ANK3: variants seen among roughly 807,000 people sequenced by gnomAD.
ANK3 encodes ankyrin 3, also known as ankyrin-3.
Under a neutral mutation model 370.9 loss-of-function variants are expected in ANK3, and 57 were observed. That is an observed-to-expected ratio of 0.15 (90% CI 0.12 to 0.19). ANK3 has a LOEUF of 0.19. Among genes scored for constraint, ANK3 ranks in the 10% least tolerant of loss-of-function variants. The pLI, the probability that ANK3 is intolerant of heterozygous loss-of-function variation, is 1.00. For missense variants in ANK3, 4,439 were observed against 5,302.1 expected (o/e 0.84, Z 5.06); for synonymous variants, 1,929 against 1,946.3 (o/e 0.99, Z 0.23).
intron 2 of ANK3, among the ~76,000 whole-genome samples, chr10:60,400,610 T>G (rs1244957885): frequency 6.6e-6 from 1 of 152,168 alleles, no homozygotes; most frequent in African/African-American, 2.4e-5. Context: ...TAAAAGCAGG[T>G]GCAGTCTGCA....
chr10:60,181,518 G>T (rs2096186877), intron 17 of ANK3, 91 bp from the exon 18 acceptor site: 1 of 1,195,238 alleles, frequency 8.4e-7, no homozygotes. Context: ...ATTCTAAGAT[G>T]GTAAGCCGAG....
intron 1 of ANK3, among the ~76,000 whole-genome samples, chr10:60,312,247 C>T (rs1217149543): frequency 6.6e-6 from 1 of 152,200 alleles, no homozygotes; most frequent in African/African-American, 2.4e-5. Flanking sequence ...AATTACTGAG[C>T]CCCAGTTCTG....
At chr10:60,543,964 A>T (rs1366194602) in intron 2 of ANK3, among the ~76,000 whole-genome samples, 2 of 152,000 alleles carry the variant, frequency 1.3e-5, no homozygotes, top group Non-Finnish European at 2.9e-5. Flanking sequence ...TTGTTGCTTC[A>T]TTTACCATCC....
intron 2 of ANK3, among the ~76,000 whole-genome samples, chr10:60,491,673 C>G (rs1204488175): frequency 6.6e-6 from 1 of 152,018 alleles, no homozygotes; most frequent in Admixed American, 6.6e-5. Flanking sequence ...AAAACTGTGT[C>G]CAAGGTAAAA....
rs189348714 is a variant in ANK3 at position 60,716,115 on chromosome 10, A to C, written c.57+17148T>G. 2.4e-4 allele frequency among the ~76,000 whole-genome samples: 37 copies of C among 152,314 alleles called. 1 individual carries two copies. The East Asian group carries it at 6.9e-3, about 29-fold the overall frequency. The stretch of plus-strand genomic sequence containing the variant: ...TTACCAGACATGAATATTACATGAA[A>C]ATAATTCCTATTGAGAATCATTAAT... On this transcript the variant is annotated intron_variant, in intron 1 of 43. Transcript: ENST00000373827.
intron 2 of ANK3, among the ~76,000 whole-genome samples, chr10:60,478,992 G>A (rs2075142380): frequency 6.6e-6 from 1 of 152,018 alleles, no homozygotes; most frequent in African/African-American, 2.4e-5. Flanking sequence ...CAAAGAAAAG[G>A]CAGCTGTTCC....
At chr10:60,105,101 T>C (rs186589082) in intron 28 of ANK3, among the ~76,000 whole-genome samples, 177 of 152,334 alleles carry the variant, frequency 1.2e-3, no homozygotes, top group Middle Eastern at 3.4e-3. Context: ...AAAGCTGTTG[T>C]TTAAATAATT....
intron 24 of ANK3, among the ~76,000 whole-genome samples, chr10:60,135,388 A>G (rs2132191251): frequency 6.6e-6 from 1 of 152,308 alleles, no homozygotes; most frequent in East Asian, 1.9e-4. Context: ...GAGGCTTCCT[A>G]TTCTGCTCTC....
At chr10:60,049,519 G>A (rs1404041502) in intron 42 of ANK3, among the ~76,000 whole-genome samples, 1 of 151,904 alleles carries the variant, frequency 6.6e-6, no homozygotes, top group Non-Finnish European at 1.5e-5. Flanking sequence ...CTGGGGAGGT[G>A]GAGGTTGCAG....
chr10:60,276,397 T>C (rs899811721), intron 4 of ANK3, among the ~76,000 whole-genome samples: 2 of 152,086 alleles, frequency 1.3e-5, no homozygotes, highest in African/African-American at 2.4e-5. Context: ...TACTGAAGAG[T>C]TGTTACCAGG....
At chr10:60,340,187 C>T (rs2893830) in intron 1 of ANK3, among the ~76,000 whole-genome samples, 106,101 of 152,064 alleles carry the variant, frequency 0.7, 38,295 homozygotes, top group South Asian at 0.92. Context: ...GTAACCTGTG[C>T]TTTAAACAAG....
intron 1 of ANK3, among the ~76,000 whole-genome samples, chr10:60,624,644 T>C (rs940174896): frequency 6.6e-6 from 1 of 151,544 alleles, no homozygotes; most frequent in Non-Finnish European, 1.5e-5. Flanking sequence ...GAAATGAACA[T>C]GGTCTTGGGA....
At chr10:60,086,991 CAA>C (rs34256603) in intron 29 of ANK3, 107 bp from the exon 30 acceptor site, 3,851 of 144,198 alleles carry the variant, frequency 0.027, no homozygotes, top group Middle Eastern at 0.06. Flanking sequence ...AACAGACAAC[CAA>C]AAAAAAAAAA....
At chr10:60,321,940 G>T (rs1169856678) in intron 1 of ANK3, among the ~76,000 whole-genome samples, 1 of 152,096 alleles carries the variant, frequency 6.6e-6, no homozygotes, top group Non-Finnish European at 1.5e-5. Context: ...GCGGTGGGGG[G>T]TGCGAGCTGG....
intron 1 of ANK3, among the ~76,000 whole-genome samples, chr10:60,315,278 C>A (rs1365268352): frequency 6.6e-6 from 1 of 152,086 alleles, no homozygotes; most frequent in African/African-American, 2.4e-5. Context: ...TTTATATTTC[C>A]TAGAATATTA....
In ANK3 at chr10:60,328,702, C is replaced by T. The variant is rs186646071; in HGVS notation, c.115-49063G>A. On this transcript the variant is annotated intron_variant, in intron 1 of 43. Coordinates refer to ENST00000280772, the MANE Select transcript of ANK3 (RefSeq NM_020987.5). Reference sequence around the variant, plus strand: ...CAGATGAATTCACAGCTGAATTCTACGAAGAGGAATTGGTACCATTCCTTC... The same window carrying T: ...CAGATGAATTCACAGCTGAATTCTATGAAGAGGAATTGGTACCATTCCTTC... Among the ~76,000 whole-genome samples the T allele has an allele frequency of 2.4e-3, 367 of 152,168 alleles. 1 individual carries two copies. The highest frequency in any genetic ancestry group is 6.9e-3 in the African/African-American group (285 of 41,504).
intron 1 of ANK3, among the ~76,000 whole-genome samples, chr10:60,293,904 G>C (rs1456816958): frequency 6.6e-6 from 1 of 152,158 alleles, no homozygotes; most frequent in African/African-American, 2.4e-5. Context: ...ATTATACGTG[G>C]TAGATTATAT....
chr10:60,274,105 T>A (rs1440459074), intron 4 of ANK3, among the ~76,000 whole-genome samples: 3 of 152,228 alleles, frequency 2.0e-5, no homozygotes, highest in East Asian at 3.9e-4. Context: ...CCTGAGTAGC[T>A]AGGACTATGG....
chr10:60,256,816 T>A (rs2097744807), intron 7 of ANK3, among the ~76,000 whole-genome samples: 1 of 152,204 alleles, frequency 6.6e-6, no homozygotes, highest in Non-Finnish European at 1.5e-5. Flanking sequence ...TCCTTTCTCA[T>A]GGCTGTGTGG....
Sources: gnomAD v4.1 joint callset for allele counts (sites outside exome capture counted in the v4.1 genomes callset) on GRCh38, gnomAD v4.1.1 for gene constraint, MANE v1.5 for transcripts, NCBI Gene and HGNC (gene_info 2026-07-23, HGNC 2026-07-21) for gene names.